The following CENPP variants were observed in gnomAD, a reference collection of about 807,000 sequenced individuals.
The protein encoded by CENPP is centromere protein P.
A neutral mutation model predicts 35.6 loss-of-function variants in CENPP; 24 were observed. The observed-to-expected ratio is 0.67, with a 90% CI of 0.49 to 0.95. The LOEUF (loss-of-function observed/expected upper bound fraction) is 0.95, where lower values mean the gene tolerates loss of function less well. Among genes scored for constraint, CENPP ranks in the 40% least tolerant of loss-of-function variants. The pLI, the probability that CENPP is intolerant of heterozygous loss-of-function variation, is 0.00. For synonymous variants in CENPP, 120 were observed against 125.5 expected, an observed-to-expected ratio of 0.96 and a Z score of 0.29; for missense variants, 332 against 345.3, an observed-to-expected ratio of 0.96 and a Z score of 0.31.
chr9:92,535,360 C>T (rs1205175732), intron 5 of CENPP, among the ~76,000 whole-genome samples: 1 of 152,066 alleles, frequency 6.6e-6, no homozygotes, highest in East Asian at 1.9e-4. Context: ...GAGTGTTTGC[C>T]TCCTAGAGGT....
chr9:92,404,631 C>A, intron 5 of CENPP: 5 of 1,280,320 alleles, frequency 3.9e-6, no homozygotes, highest in Non-Finnish European at 5.1e-6. Context: ...CAGGGCCCAG[C>A]AGCTTTAAGA....
intron 4 of CENPP, among the ~76,000 whole-genome samples, chr9:92,352,066 A>C (rs1424122652): frequency 1.5e-5 from 2 of 131,894 alleles, no homozygotes; most frequent in African/African-American, 5.8e-5. Context: ...CTTTATTTGC[A>C]CCATCTATAT....
chr9:92,331,207 G>A (rs9409666), intron 1 of CENPP, among the ~76,000 whole-genome samples: 16,544 of 152,064 alleles, frequency 0.11, 1,052 homozygotes, highest in South Asian at 0.21. Flanking sequence ...TTGAGAGGGA[G>A]TCTCGCTCTG....
intron 5 of CENPP, chr9:92,610,966 C>T: frequency 2.9e-6 from 1 of 342,464 alleles, no homozygotes; most frequent in Non-Finnish European, 5.4e-6. Context: ...CTGACCAGTC[C>T]TCTCCAGACC....
At chr9:92,469,060 C>G (rs1431337900) in intron 5 of CENPP, among the ~76,000 whole-genome samples, 1 of 152,130 alleles carries the variant, frequency 6.6e-6, no homozygotes, top group Non-Finnish European at 1.5e-5. Flanking sequence ...GTAAACGCAT[C>G]AACAGGCTAT....
At chr9:92,540,331 G>T (rs1379929353) in intron 5 of CENPP, among the ~76,000 whole-genome samples, 3 of 152,016 alleles carry the variant, frequency 2.0e-5, no homozygotes, top group Admixed American at 2.0e-4. Flanking sequence ...CCAGCTACTT[G>T]GGAGGCTGAG....
intron 5 of CENPP, chr9:92,515,075 G>A (rs368116708): frequency 1.9e-6 from 3 of 1,613,624 alleles, no homozygotes; most frequent in African/African-American, 1.3e-5. Flanking sequence ...CTTACTATTC[G>A]GTCCATTCCC....
chr9:92,348,922 T>C (rs59541513), intron 4 of CENPP, among the ~76,000 whole-genome samples: 4,656 of 152,148 alleles, frequency 0.031, 253 homozygotes, highest in African/African-American at 0.11. Context: ...TCTTTATTTT[T>C]CTGTATTAGT....
In CENPP at chr9:92,457,748, G is replaced by GTC. The variant is rs34077247; in HGVS notation, c.564+77902_564+77903dup. ...ATACTGCCTGGTCACATGGGTCGCT[G>GTC]TCTCTCTCTCTCTCCAGATAGATAG... is the stretch of plus-strand genomic sequence containing the variant. On this transcript the variant is annotated intron_variant, in intron 5 of 7. Transcript: ENST00000375587. Among the ~76,000 whole-genome samples the GTC allele has an allele frequency of 6.6e-5, 10 of 151,792 alleles. No individual in the cohort carries two copies. The South Asian group carries it at 1.0e-3, about 16-fold the overall frequency.
At chr9:92,462,662 C>G (rs1845159371) in intron 5 of CENPP, among the ~76,000 whole-genome samples, 1 of 152,124 alleles carries the variant, frequency 6.6e-6, no homozygotes, top group Admixed American at 6.6e-5. Context: ...ATAACAGAAT[C>G]TATTTTGAAT....
At chr9:92,562,203 TTTTC>T (rs1230282423) in intron 5 of CENPP, among the ~76,000 whole-genome samples, 5 of 135,832 alleles carry the variant, frequency 3.7e-5, no homozygotes, top group Admixed American at 7.1e-5. Flanking sequence ...CTTTTTTTTC[TTTTC>T]TTTTTTTTTT....
At chr9:92,604,125 T>C (rs1851006251) in intron 5 of CENPP, among the ~76,000 whole-genome samples, 1 of 152,224 alleles carries the variant, frequency 6.6e-6, no homozygotes, top group East Asian at 1.9e-4. Context: ...TTCAATGTGG[T>C]AAGAAGCTGC....
intron 4 of CENPP, among the ~76,000 whole-genome samples, chr9:92,375,052 G>C (rs1194860223): frequency 6.6e-6 from 1 of 152,058 alleles, no homozygotes; most frequent in Non-Finnish European, 1.5e-5. Context: ...CCTATTTGCA[G>C]TTTATGCACT....
chr9:92,353,820 C>G (rs1246198478), intron 4 of CENPP, among the ~76,000 whole-genome samples: 1 of 152,130 alleles, frequency 6.6e-6, no homozygotes, highest in Non-Finnish European at 1.5e-5. Context: ...CAACTTCCAC[C>G]CCTTGATTCC....
At chr9:92,556,507 G>T (rs1849726866) in intron 5 of CENPP, among the ~76,000 whole-genome samples, 1 of 152,076 alleles carries the variant, frequency 6.6e-6, no homozygotes, top group South Asian at 2.1e-4. Flanking sequence ...TATAAATTTG[G>T]GAGCACCAGT....
chr9:92,413,743 T>C (rs1843508814), intron 5 of CENPP, among the ~76,000 whole-genome samples: 1 of 152,218 alleles, frequency 6.6e-6, no homozygotes, highest in South Asian at 2.1e-4. Flanking sequence ...AAGGACTTGA[T>C]GAATGTTGAT....
intron 5 of CENPP, among the ~76,000 whole-genome samples, chr9:92,430,062 C>G: frequency 6.6e-6 from 1 of 152,108 alleles, no homozygotes; most frequent in East Asian, 1.9e-4. Context: ...CTCAGAGGCC[C>G]TTCCAAGTGG....
intron 5 of CENPP, among the ~76,000 whole-genome samples, chr9:92,543,090 C>G (rs1849350851): frequency 6.6e-6 from 1 of 152,100 alleles, no homozygotes; most frequent in African/African-American, 2.4e-5. Context: ...AGTTTTTATG[C>G]CAGTACTATG....
At chr9:92,436,977 A>G (rs1183013101) in intron 5 of CENPP, among the ~76,000 whole-genome samples, 1 of 152,156 alleles carries the variant, frequency 6.6e-6, no homozygotes, top group East Asian at 1.9e-4. Context: ...AGGCGGGCAG[A>G]TCACTTGAGG....
Sources: allele counts gnomAD v4.1 joint callset (sites outside exome capture counted in the v4.1 genomes callset), GRCh38; gene constraint gnomAD v4.1.1; transcripts MANE v1.5; gene names NCBI Gene and HGNC (gene_info 2026-07-23, HGNC 2026-07-21).